CSF2RA: variants seen among roughly 807,000 people sequenced by gnomAD.
CSF2RA encodes granulocyte-macrophage colony-stimulating factor receptor subunit alpha.
CSF2RA carries 42 observed loss-of-function variants against 51.6 expected under a neutral mutation model. The observed-to-expected ratio is 0.81, with a 90% CI of 0.64 to 1.05. The LOEUF (loss-of-function observed/expected upper bound fraction) is 1.05, where lower values mean the gene tolerates loss of function less well. CSF2RA is among the 50% of genes least tolerant of loss of function. CSF2RA has a pLI of 0.00. For synonymous variants in CSF2RA, 222 were observed against 193.0 expected, an observed-to-expected ratio of 1.15 and a Z score of -1.24; for missense variants, 530 against 501.1, an observed-to-expected ratio of 1.06 and a Z score of -0.55.
Position 1,272,551 on chromosome X carries a change from G to A in CSF2RA, c.-90-2204G>A, listed in dbSNP as rs1267096093. 4.0e-5 allele frequency among the ~76,000 whole-genome samples: 6 copies of A among 151,056 alleles called. No homozygotes were observed. The South Asian group carries it at 8.4e-4, about 21-fold the overall frequency. On this transcript the variant is annotated intron_variant, in intron 1 of 12. Coordinates refer to ENST00000381529, the MANE Select transcript of CSF2RA (RefSeq NM_172245.4). Reference sequence around the variant, plus strand: ...CGCCCAGGCTGGAGTGCAGTGGTGCGATCTCAGCTCACTGCAACCTCCACC... The same window carrying A: ...CGCCCAGGCTGGAGTGCAGTGGTGCAATCTCAGCTCACTGCAACCTCCACC...
At chrX:1,284,653 GT>G (rs2090430538) in intron 3 of CSF2RA, among the ~76,000 whole-genome samples, 6 of 101,662 alleles carry the variant, frequency 5.9e-5, no homozygotes, top group African/African-American at 2.2e-4. Flanking sequence ...GCCAAGACTA[GT>G]TTTTGATTTT....
downstream of CSF2RA, chrX:1,310,092 G>A (rs180799685): frequency 4.7e-3 from 1,464 of 312,328 alleles, 8 homozygotes; most frequent in Non-Finnish European, 4.2e-3. Context: ...CTATCTGGGA[G>A]GCTGAGGCGG....
In CSF2RA at chrX:1,309,651, C is replaced by T. The variant is rs779402123; in HGVS notation, c.*172C>T. 14 of 1,477,530 alleles carry T rather than the reference C, an allele frequency of 9.5e-6. No homozygotes were observed. In the Admixed American group the frequency reaches 1.5e-4, roughly 16 times the overall value. The allele number at this position is 1,477,530 out of a possible 1,614,324, so 91.5% of individuals were successfully genotyped here. A position where few individuals can be genotyped will look rare whatever the true frequency, so the allele number is the denominator to read the frequency against. ...CCTGTAATCCCAGCACTTTGGGAGG[C>T]CAAGGCAGGCGGATCACCTGAGGTC... On this transcript the variant is annotated 3_prime_UTR_variant, in exon 13 of 13. Coordinates refer to ENST00000381529, the MANE Select transcript of CSF2RA (RefSeq NM_172245.4).
At chrX:1,316,303 TAGAC>T in the CSF2RA span, among the ~76,000 whole-genome samples, 22,724 of 138,106 alleles carry the variant, frequency 0.16, 2,044 homozygotes, top group African/African-American at 0.25. Flanking sequence ...GATAGATAGA[TAGAC>T]AGACAGACAG....
chrX:1,320,499 CTT>C, the CSF2RA span, among the ~76,000 whole-genome samples: 4 of 139,500 alleles, frequency 2.9e-5, no homozygotes, highest in Non-Finnish European at 4.6e-5. Flanking sequence ...GCCAATGTGG[CTT>C]TTTTTTTTTT....
chrX:1,321,746 G>A, the CSF2RA span, among the ~76,000 whole-genome samples: 4 of 152,144 alleles, frequency 2.6e-5, no homozygotes, highest in Non-Finnish European at 4.4e-5. Context: ...GCAGAACCCC[G>A]CTTCTTCAGC....
intron 7 of CSF2RA, among the ~76,000 whole-genome samples, chrX:1,293,423 G>C (rs1308146147): frequency 6.6e-6 from 1 of 152,134 alleles, no homozygotes; most frequent in East Asian, 1.9e-4. Flanking sequence ...GTTTCACCGT[G>C]TTAGCCAGGA....
chrX:1,289,123 G>A lies in CSF2RA; in HGVS notation c.473+235G>A. 4 of 573,762 alleles carry A rather than the reference G, an allele frequency of 7.0e-6. No individual in the cohort carries two copies. The South Asian group carries it at 8.0e-5, about 11-fold the overall frequency. The allele number at this position is 573,762 out of a possible 1,614,324, so 35.5% of individuals were successfully genotyped here. Reference sequence around the variant, plus strand: ...ATTACAGGCGCCCGCCACCACACCAGGCCACATCTATGTATTTAGAGACAG... The same window carrying A: ...ATTACAGGCGCCCGCCACCACACCAAGCCACATCTATGTATTTAGAGACAG... On this transcript the variant is annotated intron_variant, in intron 6 of 12. Transcript: ENST00000381529.
the CSF2RA span, among the ~76,000 whole-genome samples, chrX:1,315,645 T>C: frequency 6.6e-6 from 1 of 152,148 alleles, no homozygotes; most frequent in East Asian, 1.9e-4. Flanking sequence ...CCTCAAGTGA[T>C]CTGCCCGCCT....
At chrX:1,290,167 T>TTGTTTTG (rs1234289211) in intron 6 of CSF2RA, among the ~76,000 whole-genome samples, 170 bp from the exon 7 acceptor site, 1 of 151,990 alleles carries the variant, frequency 6.6e-6, no homozygotes, top group South Asian at 2.1e-4. Context: ...TTTTGTGTTT[T>TTGTTTTG]TGTTTTGTGT....
At chrX:1,313,856 G>T (rs1167328330), downstream of CSF2RA, among the ~76,000 whole-genome samples, 1 of 151,310 alleles carries the variant, frequency 6.6e-6, no homozygotes, top group East Asian at 2.0e-4. Flanking sequence ...CGGGTGTGGT[G>T]GCACCTGTAA....
In CSF2RA at chrX:1,301,595, C is replaced by CT. The variant is rs777108928; in HGVS notation, c.946+989dup. 7.0e-3 allele frequency among the ~76,000 whole-genome samples: 739 copies of CT among 105,804 alleles called. 9 individuals are homozygous for CT. Among genetic ancestry groups the CT allele is most frequent in the East Asian group, 8.0e-3 (28 of 3,496 alleles). The allele number at this position is 105,804 out of a possible 152,430, so 69.4% of individuals were successfully genotyped here. A position where few individuals can be genotyped will look rare whatever the true frequency, so the allele number is the denominator to read the frequency against. ...GGGGAAGCTCTCTCCCTCTTTTTTT[C>CT]TTTTTTTTTTTTTTTTTTTTGAGAC... On this transcript the variant is annotated intron_variant, in intron 10 of 12. Transcript: ENST00000381529.
intron 10 of CSF2RA, 122 bp downstream of exon 10, chrX:1,300,748 G>GT: frequency 7.8e-7 from 1 of 1,280,150 alleles, no homozygotes; most frequent in South Asian, 1.2e-5. Context: ...TGGGAGTAGT[G>GT]TCAGGCTCTG....
intron 12 of CSF2RA, among the ~76,000 whole-genome samples, chrX:1,308,763 G>A (rs2083931346): frequency 6.6e-6 from 1 of 152,096 alleles, no homozygotes; most frequent in South Asian, 2.1e-4. Flanking sequence ...GAGGTGCCAG[G>A]ATGACGGCTT....
chrX:1,290,027 GTGTTTTGTTT>G (rs762985677), intron 6 of CSF2RA, among the ~76,000 whole-genome samples: 1 of 112,104 alleles, frequency 8.9e-6, no homozygotes, highest in South Asian at 2.8e-4. Flanking sequence ...TTGTGTTTTT[GTGTTTTGTTT>G]TGTTTTGTGT....
intron 10 of CSF2RA, among the ~76,000 whole-genome samples, chrX:1,303,655 C>T (rs1413494975): frequency 2.0e-5 from 3 of 152,048 alleles, no homozygotes; most frequent in Non-Finnish European, 4.4e-5. Context: ...GGATGACAGG[C>T]GTGAGCCACC....
chrX:1,294,977 G>A (rs28471690), intron 8 of CSF2RA, among the ~76,000 whole-genome samples: 31,416 of 86,886 alleles, frequency 0.36, 3,775 homozygotes, highest in African/African-American at 0.43. Flanking sequence ...ACTGCCTCAC[G>A]TCCACCTCGA....
chrX:1,281,357 T>C (rs1207960020), intron 2 of CSF2RA, among the ~76,000 whole-genome samples: 232 of 36,964 alleles, frequency 6.3e-3, no homozygotes, highest in Middle Eastern at 0.056. Flanking sequence ...TCTTCCTCCT[T>C]CTCCTCCTCC....
chrX:1,287,137 A>C (rs1435710999), intron 4 of CSF2RA: 1 of 150,742 alleles, frequency 6.6e-6, no homozygotes, highest in Non-Finnish European at 1.5e-5. Flanking sequence ...ATGTTACCCC[A>C]GATGACATAC....
Sources: allele counts gnomAD v4.1 joint callset (sites outside exome capture counted in the v4.1 genomes callset), GRCh38; gene constraint gnomAD v4.1.1; transcripts MANE v1.5; gene names NCBI Gene and HGNC (gene_info 2026-07-23, HGNC 2026-07-21).